PLA2G2C: variants seen among roughly 807,000 people sequenced by gnomAD.
The protein encoded by PLA2G2C is putative inactive group IIC secretory phospholipase A2.
Under a neutral mutation model 14.3 loss-of-function variants are expected in PLA2G2C, and 15 were observed. That is an observed-to-expected ratio of 1.05 (90% CI 0.70 to 1.62). The LOEUF is 1.62. Among genes scored for constraint, PLA2G2C ranks in the 40% most tolerant of loss-of-function variants. The pLI is 0.00. For missense variants in PLA2G2C, 162 were observed against 173.2 expected (o/e 0.94, Z 0.36); for synonymous variants, 79 against 67.7 (o/e 1.17, Z -0.82).
intron 1 of PLA2G2C, among the ~76,000 whole-genome samples, chr1:20,183,460 A>G (rs2018308287): frequency 6.6e-6 from 1 of 152,174 alleles, no homozygotes; most frequent in Admixed American, 6.5e-5. Context: ...AGGTTGTAAA[A>G]TTGCTCTGCT....
intron 4 of PLA2G2C, among the ~76,000 whole-genome samples, chr1:20,166,320 G>A (rs374598403): frequency 5.9e-5 from 9 of 152,090 alleles, no homozygotes; most frequent in African/African-American, 1.7e-4. Flanking sequence ...CTGCTCGCCC[G>A]CAGGGAATCT....
At chr1:20,173,449 G>A (rs2301477) in intron 3 of PLA2G2C, among the ~76,000 whole-genome samples, 50,369 of 152,068 alleles carry the variant, frequency 0.33, 8,877 homozygotes, top group East Asian at 0.65. Flanking sequence ...CTTTTGTAGG[G>A]GAGGGACTGA....
At chr1:20,164,377 T>G (rs1299228362) in intron 4 of PLA2G2C, among the ~76,000 whole-genome samples, 1 of 151,738 alleles carries the variant, frequency 6.6e-6, no homozygotes, top group African/African-American at 2.4e-5. Context: ...TGCATTTGTG[T>G]GTGTGTATGG....
At chr1:20,185,383 T>C (rs2018352845) in intron 1 of PLA2G2C, among the ~76,000 whole-genome samples, 1 of 151,778 alleles carries the variant, frequency 6.6e-6, no homozygotes, top group Admixed American at 6.6e-5. Flanking sequence ...GCCGAGGTAA[T>C]GGGCCAGGAT....
At chr1:20,183,241 A>C (rs2018302348) in intron 1 of PLA2G2C, among the ~76,000 whole-genome samples, 1 of 152,250 alleles carries the variant, frequency 6.6e-6, no homozygotes, top group African/African-American at 2.4e-5. Flanking sequence ...ACTGACATCC[A>C]GCGAAGGTAA....
At position 20,175,061 on chromosome 1, in the gene PLA2G2C, T is replaced by C. The variant is rs1368008577; in HGVS notation, c.125A>G (p.Tyr42Cys). 2.5e-6 allele frequency: 4 copies of C among 1,614,006 alleles called. No homozygotes were observed. In the South Asian group the frequency reaches 3.3e-5, roughly 13 times the overall value. ...ATCCCCAAGCCCACAGTAGCAGCCA[T>C]ATCCGTAATATGAGAAGAAGGCACT... ...GRSAFFSYYG[Y>C]GCYCGLGDKG... The change falls in exon 3 of 5, where the codon TAT becomes TGT. Residue 42 changes from tyrosine to cysteine, a missense_variant. Coordinates refer to ENST00000679259, the MANE Select transcript of PLA2G2C (RefSeq NM_001367969.2).
chr1:20,175,019 T>C lies in PLA2G2C; in HGVS notation c.167A>G (p.Asp56Gly). Residue 56 changes from aspartate (D) to glycine (G), a missense_variant, in exon 3 of 5, where the codon GAT becomes GGT. Transcript: ENST00000679259. ...CGLGDKGIPV[D>G]DTDRHSPSSP... ...CCTCTGCACCCACCTGTCAGTGTCA[T>C]CCACGGGGATCCCTTTATCCCCAAG... The C allele has an allele frequency of 6.2e-7, 1 of 1,613,608 alleles. No homozygotes were observed. The highest frequency in any genetic ancestry group is 8.5e-7 in the Non-Finnish European group (1 of 1,179,724).
chr1:20,174,862 C>A, intron 3 of PLA2G2C, 145 bp downstream of exon 3: 1 of 882,218 alleles, frequency 1.1e-6, no homozygotes, highest in South Asian at 1.8e-5. Context: ...ACCCATCCTC[C>A]AAATCCCGTT....
chr1:20,164,299 C>A, intron 4 of PLA2G2C, 142 bp from the exon 5 acceptor site: 1 of 764,220 alleles, frequency 1.3e-6, no homozygotes, highest in Non-Finnish European at 2.1e-6. Flanking sequence ...TACGTGTATG[C>A]ATATGTGTGC....
intron 1 of PLA2G2C, among the ~76,000 whole-genome samples, chr1:20,182,248 A>G (rs537109473): frequency 7.2e-5 from 11 of 152,366 alleles, no homozygotes; most frequent in Non-Finnish European, 1.2e-4. Context: ...TGGTGGTCCC[A>G]TAAGATTATA....
In PLA2G2C at chr1:20,164,169, C is replaced by G; in HGVS notation, c.284-12G>C. The G allele has an allele frequency of 6.2e-7, 1 of 1,607,154 alleles. No homozygotes were observed. Among genetic ancestry groups the G allele is most frequent in the Non-Finnish European group, 8.5e-7 (1 of 1,176,554 alleles). ...AAGGGTGCATCCACCTACAGAGACA[C>G]AGAGGGTCACTGGGGGCTCCCAGCC... On this transcript the variant is annotated splice_polypyrimidine_tract_variant and intron_variant, in intron 4 of 4. Transcript: ENST00000679259.
intron 3 of PLA2G2C, among the ~76,000 whole-genome samples, chr1:20,173,154 T>TA (rs35364141): frequency 0.29 from 39,894 of 135,810 alleles, 5,593 homozygotes; most frequent in Middle Eastern, 0.39. Flanking sequence ...TTTTTAAGTT[T>TA]AAAAAAAAAA....
chr1:20,169,028 A>G (rs1021382864), intron 4 of PLA2G2C, among the ~76,000 whole-genome samples: 1 of 152,172 alleles, frequency 6.6e-6, no homozygotes, highest in Non-Finnish European at 1.5e-5. Flanking sequence ...TACCTACTGC[A>G]TCCCAGAGCA....
intron 4 of PLA2G2C, among the ~76,000 whole-genome samples, chr1:20,170,623 G>A (rs2018055380): frequency 6.6e-6 from 1 of 152,176 alleles, no homozygotes; most frequent in African/African-American, 2.4e-5. Flanking sequence ...CCCTGCTCCT[G>A]GGGGCAGGGG....
chr1:20,170,294 G>A (rs118014448), intron 4 of PLA2G2C, among the ~76,000 whole-genome samples: 3 of 152,254 alleles, frequency 2.0e-5, no homozygotes, highest in African/African-American at 7.2e-5. Flanking sequence ...CAAGACACAT[G>A]CATCTTAATC....
intron 1 of PLA2G2C, among the ~76,000 whole-genome samples, chr1:20,181,169 C>A (rs1472572883): frequency 6.6e-6 from 1 of 152,114 alleles, no homozygotes; most frequent in East Asian, 1.9e-4. Context: ...GCCATTATTA[C>A]CCTCATTTTG....
intron 4 of PLA2G2C, among the ~76,000 whole-genome samples, chr1:20,168,291 CA>C (rs1333001264): frequency 6.6e-6 from 1 of 152,244 alleles, no homozygotes; most frequent in Non-Finnish European, 1.5e-5. Flanking sequence ...ACTCATTAAA[CA>C]AACAAGTATT....
intron 3 of PLA2G2C, among the ~76,000 whole-genome samples, chr1:20,174,167 T>A (rs1360113808): frequency 2.0e-5 from 3 of 152,166 alleles, no homozygotes; most frequent in Non-Finnish European, 4.4e-5. Context: ...GGTCCTCCCA[T>A]GGTTCCATGA....
At chr1:20,166,277 G>A (rs569104985) in intron 4 of PLA2G2C, among the ~76,000 whole-genome samples, 16 of 152,268 alleles carry the variant, frequency 1.1e-4, no homozygotes, top group Admixed American at 7.2e-4. Context: ...AACTTCTCAC[G>A]TTGTGCCAAC....
Sources: gnomAD v4.1 joint callset for allele counts (sites outside exome capture counted in the v4.1 genomes callset) on GRCh38, gnomAD v4.1.1 for gene constraint, MANE v1.5 for transcripts, NCBI Gene and HGNC (gene_info 2026-07-23, HGNC 2026-07-21) for gene names.